The following ADAM28 variants were observed in gnomAD, a reference collection of about 807,000 sequenced individuals.
ADAM28 encodes the protein disintegrin and metalloproteinase domain-containing protein 28.
A neutral mutation model predicts 101.2 loss-of-function variants in ADAM28; 105 were observed. That is an observed-to-expected ratio of 1.04 (90% CI 0.89 to 1.22). The LOEUF is 1.22. Ranked by LOEUF, ADAM28 falls within the 50% of genes most tolerant of loss-of-function variation. The pLI, the probability that ADAM28 is intolerant of heterozygous loss-of-function variation, is 0.00. For missense variants in ADAM28, 1,028 were observed against 945.4 expected, an observed-to-expected ratio of 1.09 and a Z score of -1.15; for synonymous variants, 322 against 310.6, an observed-to-expected ratio of 1.04 and a Z score of -0.39.
intron 2 of ADAM28, 115 bp from the exon 3 acceptor site, chr8:24,309,779 T>G: frequency 1.4e-6 from 1 of 720,486 alleles, no homozygotes; most frequent in Admixed American, 2.7e-5. Context: ...AGGCAAGTAT[T>G]TGGTATTATA....
At position 24,343,521 on chromosome 8, in the gene ADAM28, C is replaced by G; in HGVS notation, c.1927C>G (p.Leu643Val). The change falls in exon 18 of 23, where the codon CTC (leucine) becomes GTC (valine). Residue 643 changes from leucine to valine, a missense_variant. Coordinates refer to ENST00000265769, the MANE Select transcript of ADAM28 (RefSeq NM_014265.6). ...CKGHAVCDHELQCQCEEGWIP... is the reference protein window; with the variant it reads ...CKGHAVCDHEVQCQCEEGWIP... ...GCTCCCCTAGGTGTGTGACCATGAG[C>G]TCCAGTGTCAATGTGAGGAAGGATG... 6.2e-7 allele frequency: 1 copy of G among 1,613,758 alleles called. No homozygotes were observed. The highest frequency in any genetic ancestry group is 1.3e-5 in the African/African-American group (1 of 75,020).
Position 24,310,348 on chromosome 8 carries a change from G to A in ADAM28, c.306+107G>A, listed in dbSNP as rs1321643495. The A allele has an allele frequency of 3.1e-6, 3 of 980,190 alleles. No homozygotes were observed. The East Asian group carries it at 8.2e-5, about 27-fold the overall frequency. 60.7% of individuals were successfully genotyped at this position (980,190 alleles called of 1,614,324 possible). ...AAGTGAAACTGCATTTGTAACATTA[G>A]TGCTTTTTTCAGCAGTAGCCATTAC... is the stretch of plus-strand genomic sequence containing the variant. On this transcript the variant is annotated intron_variant, in intron 4 of 22. Transcript: ENST00000265769.
rs113035793 is a variant in ADAM28, at chr8:24,311,754, G to A, written c.383+317G>A. ...CGCTCTTCACTTTATTTTACTCATT[G>A]ATTTAGATGGAGTCTTGCTCTGTCA... On this transcript the variant is annotated intron_variant, in intron 5 of 22. Transcript: ENST00000265769. 8.4e-3 allele frequency among the ~76,000 whole-genome samples: 1,271 copies of A among 152,120 alleles called. 18 individuals are homozygous for A. The highest frequency in any genetic ancestry group is 0.029 in the African/African-American group (1,209 of 41,508).
At chr8:24,333,438 A>C in intron 13 of ADAM28, among the ~76,000 whole-genome samples, 1 of 152,240 alleles carries the variant, frequency 6.6e-6, no homozygotes, top group East Asian at 1.9e-4. Context: ...TTGTGGGCAC[A>C]TAGGTGTACA....
At chr8:24,305,451 CTTTTTTTTT>C (rs10654023) in intron 2 of ADAM28, among the ~76,000 whole-genome samples, 993 of 65,466 alleles carry the variant, frequency 0.015, 18 homozygotes, top group Middle Eastern at 0.03. Context: ...TAAGAGGTTT[CTTTTTTTTT>C]TTTTTTTTTT....
Position 24,349,879 on chromosome 8 carries a change from T to G in ADAM28, c.2006T>G (p.Val669Gly). The part of the protein sequence containing the change: ...SSVVFHFSIV[V>G]GVLFPMAVIF... ...TCTGCTGCAGACTTCTCCATTGTGG[T>G]TGGGGTGCTGTTCCCAATGGCGGTC... Residue 669 changes from valine to glycine, a missense_variant, in exon 19 of 23, where the codon GTT becomes GGT. Val to Gly is a moderately radical substitution (Grantham distance 109, BLOSUM62 -3). Transcript: ENST00000265769. The G allele has an allele frequency of 6.2e-7, 1 of 1,613,640 alleles. No homozygotes were observed. Among genetic ancestry groups the G allele is most frequent in the South Asian group, 1.1e-5 (1 of 91,076 alleles).
chr8:24,329,158 C>T (rs770420273), intron 10 of ADAM28, among the ~76,000 whole-genome samples: 2 of 152,004 alleles, frequency 1.3e-5, no homozygotes, highest in Non-Finnish European at 2.9e-5. Flanking sequence ...GAGGTTTTAC[C>T]ATGTTCATCT....
chr8:24,302,232 C>T (rs372888897), intron 2 of ADAM28, among the ~76,000 whole-genome samples: 1 of 152,150 alleles, frequency 6.6e-6, no homozygotes, highest in Non-Finnish European at 1.5e-5. Context: ...TGGATAACGG[C>T]TTCCAGCTCC....
chr8:24,349,129 T>G (rs970197519), intron 18 of ADAM28, among the ~76,000 whole-genome samples: 1 of 152,218 alleles, frequency 6.6e-6, no homozygotes, highest in African/African-American at 2.4e-5. Flanking sequence ...TATACAAATA[T>G]TAATCATGCT....
At chr8:24,315,282 A>G (rs1188766976) in intron 6 of ADAM28, among the ~76,000 whole-genome samples, 1 of 152,018 alleles carries the variant, frequency 6.6e-6, no homozygotes, top group Admixed American at 6.6e-5. Flanking sequence ...TCTTAGGCAG[A>G]CTAAGAGGAA....
intron 2 of ADAM28, among the ~76,000 whole-genome samples, chr8:24,306,602 T>G (rs906450392): frequency 5.9e-5 from 9 of 151,840 alleles, no homozygotes; most frequent in Non-Finnish European, 1.3e-4. Flanking sequence ...CCAGTTAAAT[T>G]TCAAATAAAC....
intron 12 of ADAM28, among the ~76,000 whole-genome samples, chr8:24,332,028 G>A (rs1287900906): frequency 2.0e-5 from 3 of 152,132 alleles, no homozygotes; most frequent in Non-Finnish European, 4.4e-5. Context: ...GTCTGTCCTG[G>A]TTGATGATTA....
At position 24,353,271 on chromosome 8, in the gene ADAM28, G is replaced by A. The variant is rs1585764203; in HGVS notation, c.2245-499G>A. Among the ~76,000 whole-genome samples the A allele has an allele frequency of 2.0e-5, 3 of 152,140 alleles. No individual in the cohort carries two copies. The East Asian group carries it at 5.8e-4, about 29-fold the overall frequency. On this transcript the variant is annotated intron_variant, in intron 21 of 22. Coordinates refer to ENST00000265769, the MANE Select transcript of ADAM28 (RefSeq NM_014265.6). ...TAGTCATAGTTTTCTGTAGGAGGTA[G>A]GGTATGAAAAATGGGCCATATATAA... is the stretch of plus-strand genomic sequence containing the variant.
intron 18 of ADAM28, among the ~76,000 whole-genome samples, chr8:24,348,521 TC>T (rs1321582653): frequency 6.6e-6 from 1 of 152,208 alleles, no homozygotes; most frequent in Non-Finnish European, 1.5e-5. Flanking sequence ...TTTCTGTCTC[TC>T]CAGGTCCTTG....
At chr8:24,318,735 C>T (rs1033912518) in intron 6 of ADAM28, among the ~76,000 whole-genome samples, 1 of 151,874 alleles carries the variant, frequency 6.6e-6, no homozygotes, top group African/African-American at 2.4e-5. Flanking sequence ...CTTCATCCCG[C>T]CTTATATGGT....
chr8:24,317,101 T>C (rs1159998240), intron 6 of ADAM28, among the ~76,000 whole-genome samples: 2 of 152,028 alleles, frequency 1.3e-5, no homozygotes, highest in Admixed American at 6.6e-5. Context: ...TAGAAGAATG[T>C]TGTTAAAATG....
chr8:24,302,975 T>A (rs1809029602), intron 2 of ADAM28, among the ~76,000 whole-genome samples: 3 of 140,666 alleles, frequency 2.1e-5, no homozygotes, highest in African/African-American at 7.8e-5. Context: ...TGTGTCCATG[T>A]GTTCTCATTG....
chr8:24,320,845 G>C (rs979469578), intron 7 of ADAM28, among the ~76,000 whole-genome samples: 1 of 151,928 alleles, frequency 6.6e-6, no homozygotes, highest in Non-Finnish European at 1.5e-5. Context: ...AGGCCCTAAA[G>C]CTTTGGTCTT....
At chr8:24,346,515 G>A (rs1815417003) in intron 18 of ADAM28, among the ~76,000 whole-genome samples, 1 of 152,048 alleles carries the variant, frequency 6.6e-6, no homozygotes. Flanking sequence ...GAAACACTCA[G>A]AAAAGGGGTT....
Sources: gnomAD v4.1 joint callset for allele counts (sites outside exome capture counted in the v4.1 genomes callset) on GRCh38, gnomAD v4.1.1 for gene constraint, MANE v1.5 for transcripts, NCBI Gene and HGNC (gene_info 2026-07-23, HGNC 2026-07-21) for gene names.